Variants in LRRCC1 observed in about 807,000 individuals in gnomAD.
The protein encoded by LRRCC1 is leucine rich repeat and coiled-coil centrosomal protein 1.
A neutral mutation model predicts 126.0 loss-of-function variants in LRRCC1; 115 were observed. That is an observed-to-expected ratio of 0.91 (90% CI 0.78 to 1.07). LRRCC1 has a LOEUF of 1.07. Among genes scored for constraint, LRRCC1 ranks in the 50% least tolerant of loss-of-function variants. The pLI, the probability that LRRCC1 is intolerant of heterozygous loss-of-function variation, is 0.00. For missense variants in LRRCC1, 1,172 were observed against 1,175.7 expected (o/e 1.00, Z 0.05); for synonymous variants, 400 against 393.4 (o/e 1.02, Z -0.20).
At chr8:85,132,375 C>CTTTTTTTTTTTTTTTTT (rs551423793) in intron 12 of LRRCC1, among the ~76,000 whole-genome samples, 6 of 109,960 alleles carry the variant, frequency 5.5e-5, no homozygotes, top group East Asian at 2.8e-4. Flanking sequence ...TGAGTACTTT[C>CTTTTTTTTTTTTTTTTT]TTTTTTTTTT....
At chr8:85,128,395 T>G (rs1810173454) in intron 9 of LRRCC1, among the ~76,000 whole-genome samples, 2 of 152,026 alleles carry the variant, frequency 1.3e-5, no homozygotes, top group South Asian at 4.2e-4. Flanking sequence ...ATCAATCTTT[T>G]CTGATTCTTC....
At chr8:85,113,844 GCAGAC>G (rs931284347) in intron 4 of LRRCC1, among the ~76,000 whole-genome samples, 2 of 152,058 alleles carry the variant, frequency 1.3e-5, no homozygotes, top group African/African-American at 4.8e-5. Flanking sequence ...CAAAGATAAA[GCAGAC>G]CAGACTACCA....
Position 85,138,226 on chromosome 8 carries a change from A to C in LRRCC1, c.2685A>C (p.Glu895Asp). ...AAGGAAAGGAAGTAGAACTTGAAGA[A>C]ATCAGAAAAGCTTACAGGTATTATA... ...QLKGKEVELE[E>D]IRKAYSTLNR... Residue 895 changes from glutamate to aspartate, a missense_variant, in exon 16 of 19, where the codon GAA (glutamate) becomes GAC (aspartate). Glu to Asp is a conservative substitution (Grantham distance 45, BLOSUM62 2). Transcript: ENST00000360375. The C allele has an allele frequency of 6.2e-7, 1 of 1,607,310 alleles. No homozygotes were observed. The highest frequency in any genetic ancestry group is 1.1e-5 in the South Asian group (1 of 89,322).
At chr8:85,135,302 T>C (rs1810772555) in intron 13 of LRRCC1, among the ~76,000 whole-genome samples, 2 of 152,138 alleles carry the variant, frequency 1.3e-5, no homozygotes, top group Non-Finnish European at 2.9e-5. Flanking sequence ...ACAACAAAAA[T>C]TGTGGAAGTG....
chr8:85,131,859 A>C lies in LRRCC1; in HGVS notation c.1866A>C (p.Ile622=). ...AKEEKKHEQM[I]KEYQEKIDVL... ...AAGAGAAAAAGCATGAGCAAATGAT[A>C]AAAGAATACCAAGAGAAAATTGACG... Residue 622 remains isoleucine (I), a synonymous_variant, in exon 12 of 19, where the codon ATA becomes ATC. Coordinates refer to ENST00000360375, the MANE Select transcript of LRRCC1 (RefSeq NM_033402.5). 6.2e-7 allele frequency: 1 copy of C among 1,613,862 alleles called. No homozygotes were observed. Among genetic ancestry groups the C allele is most frequent in the African/African-American group, 1.3e-5 (1 of 75,058 alleles).
intron 7 of LRRCC1, among the ~76,000 whole-genome samples, chr8:85,124,358 T>C (rs963754071): frequency 5.9e-5 from 9 of 152,304 alleles, no homozygotes; most frequent in Middle Eastern, 3.4e-3. Context: ...CTGTACTTTT[T>C]TCCAGGACAT....
intron 18 of LRRCC1, among the ~76,000 whole-genome samples, chr8:85,145,058 C>A (rs567688386): frequency 6.8e-6 from 1 of 147,952 alleles, no homozygotes; most frequent in African/African-American, 2.5e-5. Context: ...CCAGCCTGGG[C>A]GACAGAGCAA....
rs757501975 is a variant in LRRCC1, at chr8:85,134,891, C to T, written c.2013C>T (p.Ser671=). 1.9e-5 allele frequency: 31 copies of T among 1,589,856 alleles called. No individual in the cohort carries two copies. The highest frequency in any genetic ancestry group is 2.5e-5 in the Non-Finnish European group (29 of 1,174,594). The part of the protein sequence containing the change: ...FENVATELAK[S]KHALIWAQRK... ...ATGTTGCAACTGAGTTAGCAAAGAG[C>T]AAACATGCTCTTATTTGGGCTCAAC... is the stretch of plus-strand genomic sequence containing the variant. Residue 671 remains serine (S), a synonymous_variant, in exon 13 of 19, where the codon AGC becomes AGT. Coordinates refer to ENST00000360375, the MANE Select transcript of LRRCC1 (RefSeq NM_033402.5).
intron 12 of LRRCC1, among the ~76,000 whole-genome samples, chr8:85,132,841 A>G (rs1000800010): frequency 6.6e-6 from 1 of 152,158 alleles, no homozygotes; most frequent in Non-Finnish European, 1.5e-5. Flanking sequence ...CGTATAGTAG[A>G]TCCCATTTCC....
At position 85,131,891 on chromosome 8, in the gene LRRCC1, G is replaced by A. The variant is rs1051433899; in HGVS notation, c.1898G>A (p.Ser633Asn). Residue 633 changes from serine to asparagine, a missense_variant, in exon 12 of 19, where the codon AGC becomes AAC. By Grantham distance (46) the Ser-to-Asn change is conservative. Transcript: ENST00000360375. The part of the protein sequence containing the change: ...KEYQEKIDVL[S>N]QQYMDLENEF... ...TACCAAGAGAAAATTGACGTGTTAA[G>A]CCAGCAGTATATGGATTTAGAAAAT... 2.5e-6 allele frequency: 4 copies of A among 1,613,898 alleles called. No homozygotes were observed. Among genetic ancestry groups the A allele is most frequent in the Admixed American group, 1.7e-5 (1 of 60,010 alleles).
intron 18 of LRRCC1, among the ~76,000 whole-genome samples, chr8:85,144,990 G>T (rs570590240): frequency 6.6e-6 from 1 of 150,506 alleles, no homozygotes; most frequent in East Asian, 2.0e-4. Flanking sequence ...TGAGGCAGGA[G>T]AATAGCGTGA....
At chr8:85,139,924 C>A (rs1417430889) in intron 17 of LRRCC1, among the ~76,000 whole-genome samples, 1 of 152,170 alleles carries the variant, frequency 6.6e-6, no homozygotes, top group African/African-American at 2.4e-5. Context: ...GTTGATAGCA[C>A]AGTTGTTTTC....
chr8:85,135,765 ATT>A lies in LRRCC1; in HGVS notation c.2155-14_2155-13del, dbSNP rs36102162. 1.9e-3 allele frequency: 2,061 copies of A among 1,112,716 alleles called. 1 individual carries two copies. The highest frequency in any genetic ancestry group is 3.3e-3 in the South Asian group (121 of 37,138). 68.9% of individuals were successfully genotyped at this position (1,112,716 alleles called of 1,614,324 possible). On this transcript the variant is annotated intron_variant, in intron 13 of 18. Coordinates refer to ENST00000360375, the MANE Select transcript of LRRCC1 (RefSeq NM_033402.5). ...TAAAGCACTTAATATAATAATTCTT[ATT>A]TTTTTTTTTGGGAATATACAGAATC...
intron 1 of LRRCC1, chr8:85,108,924 A>C (rs1808478404): frequency 6.6e-6 from 1 of 152,294 alleles, no homozygotes; most frequent in Admixed American, 6.5e-5. Flanking sequence ...TGTTTAGGGG[A>C]GATCCATTAA....
intron 1 of LRRCC1, among the ~76,000 whole-genome samples, chr8:85,107,943 C>T (rs1238507586): frequency 2.6e-5 from 4 of 152,226 alleles, no homozygotes; most frequent in Non-Finnish European, 5.9e-5. Context: ...TTTGAAAGTA[C>T]TAAACTTACT....
chr8:85,138,798 G>A (rs866930791), intron 17 of LRRCC1, among the ~76,000 whole-genome samples: 8 of 152,050 alleles, frequency 5.3e-5, no homozygotes, highest in South Asian at 4.1e-4. Context: ...CAATCCCAGC[G>A]CTTTGGGAGG....
rs536831504 is a variant in LRRCC1 at position 85,121,464 on chromosome 8, G to A, written c.931-1949G>A. ...TTTGTTTTGTTTTGTTTTTTGAGACGGAGTTTCATTCTTGTTGCCCAGGCT... is the reference window on the plus strand; with the variant it reads ...TTTGTTTTGTTTTGTTTTTTGAGACAGAGTTTCATTCTTGTTGCCCAGGCT... On this transcript the variant is annotated intron_variant, in intron 6 of 18. Transcript: ENST00000360375. Among the ~76,000 whole-genome samples, 11 of 151,162 alleles carry A rather than the reference G, an allele frequency of 7.3e-5. No individual in the cohort carries two copies. The East Asian group carries it at 2.1e-3, about 29-fold the overall frequency.
chr8:85,138,570 T>C (rs964383616), intron 17 of LRRCC1, 95 bp downstream of exon 17: 1 of 1,248,274 alleles, frequency 8.0e-7, no homozygotes, highest in Non-Finnish European at 1.1e-6. Context: ...CTAAAAATCA[T>C]GTAAGACATA....
chr8:85,126,812 A>G lies in LRRCC1; in HGVS notation c.1396A>G (p.Ser466Gly). The G allele has an allele frequency of 1.2e-6, 2 of 1,612,088 alleles. No individual in the cohort carries two copies. Among genetic ancestry groups the G allele is most frequent in the Non-Finnish European group, 1.7e-6 (2 of 1,179,658 alleles). Residue 466 changes from serine to glycine, a missense_variant, in exon 9 of 19, where the codon AGT becomes GGT. Coordinates refer to ENST00000360375, the MANE Select transcript of LRRCC1 (RefSeq NM_033402.5). ...KHANEKEDIHSLALLTTDRLK... is the reference protein window; with the variant it reads ...KHANEKEDIHGLALLTTDRLK... ...TGCAAATGAAAAAGAGGATATTCAT[A>G]GTCTGGCTCTACTTACCACAGATAG...
Sources: allele counts gnomAD v4.1 joint callset (sites outside exome capture counted in the v4.1 genomes callset), GRCh38; gene constraint gnomAD v4.1.1; transcripts MANE v1.5; gene names NCBI Gene and HGNC (gene_info 2026-07-23, HGNC 2026-07-21).